JAKMIP1: variants seen among roughly 807,000 people sequenced by gnomAD.
JAKMIP1 encodes the protein janus kinase and microtubule interacting protein 1, also known as janus kinase and microtubule-interacting protein 1.
In JAKMIP1, 33 loss-of-function variants were observed where a neutral mutation model predicts 113.0. That is an observed-to-expected ratio of 0.29 (90% CI 0.22 to 0.39). The LOEUF is 0.39. Ranked by LOEUF, JAKMIP1 falls within the 10% of genes least tolerant of loss-of-function variation. The pLI is 1.00. For missense variants in JAKMIP1, 813 were observed against 1,080.5 expected (o/e 0.75, Z 3.47); for synonymous variants, 480 against 459.9 (o/e 1.04, Z -0.56).
chr4:6,134,343 CAATGTGAG>C (rs1718933935), intron 1 of JAKMIP1, among the ~76,000 whole-genome samples: 1 of 152,188 alleles, frequency 6.6e-6, no homozygotes, highest in Non-Finnish European at 1.5e-5. Flanking sequence ...ATCTTTATAG[CAATGTGAG>C]AACAGACTAA....
intron 1 of JAKMIP1, among the ~76,000 whole-genome samples, chr4:6,170,259 TCAC>T (rs764382555): frequency 2.5e-3 from 296 of 120,232 alleles, no homozygotes; most frequent in African/African-American, 7.9e-3. Flanking sequence ...CCCACCCTTC[TCAC>T]CACCACCACC....
chr4:6,102,342 T>C (rs181672997), intron 3 of JAKMIP1, among the ~76,000 whole-genome samples: 2 of 152,322 alleles, frequency 1.3e-5, no homozygotes, highest in Non-Finnish European at 2.9e-5. Context: ...ATCAGTGTGA[T>C]AGTATTAGGA....
chr4:6,117,046 C>A (rs1715893143), intron 1 of JAKMIP1, among the ~76,000 whole-genome samples: 1 of 152,194 alleles, frequency 6.6e-6, no homozygotes, highest in Non-Finnish European at 1.5e-5. Context: ...AGCATTAAGC[C>A]AAGAGCCAGG....
At chr4:6,148,345 C>T (rs369435621) in intron 1 of JAKMIP1, among the ~76,000 whole-genome samples, 6 of 152,228 alleles carry the variant, frequency 3.9e-5, no homozygotes, top group African/African-American at 1.4e-4. Context: ...GAACATTTTC[C>T]TAGCGCAGAA....
At chr4:6,032,307 A>G (rs778121341) in intron 19 of JAKMIP1, among the ~76,000 whole-genome samples, 1 of 152,192 alleles carries the variant, frequency 6.6e-6, no homozygotes, top group African/African-American at 2.4e-5. Context: ...CCTGGTTCTC[A>G]TTCTGATCTT....
chr4:6,078,157 A>C (rs1719945192), intron 8 of JAKMIP1, among the ~76,000 whole-genome samples: 1 of 152,152 alleles, frequency 6.6e-6, no homozygotes, highest in Admixed American at 6.5e-5. Flanking sequence ...GCTACTAAAA[A>C]TACAAAATTT....
chr4:6,116,763 C>G lies in JAKMIP1; in HGVS notation c.-147-3766G>C, dbSNP rs1443612320. On this transcript the variant is annotated intron_variant, in intron 1 of 20. Transcript: ENST00000409021. This position sits in a 1 kb window ranked among gnomAD's most constrained non-coding sequence, Gnocchi z 5.1. ...AAGGTCCCAGCCATCACAGAACGGT[C>G]TAGTCAGGAACACCACTATGGAAAT... Among the ~76,000 whole-genome samples, 2 of 152,158 alleles carry G rather than the reference C, an allele frequency of 1.3e-5. No individual in the cohort carries two copies. The highest frequency in any genetic ancestry group is 4.8e-5 in the African/African-American group (2 of 41,442).
At chr4:6,107,881 C>T (rs988797776) in intron 2 of JAKMIP1, among the ~76,000 whole-genome samples, 29 of 152,014 alleles carry the variant, frequency 1.9e-4, no homozygotes, top group African/African-American at 6.3e-4. Flanking sequence ...CCTCAAAGGC[C>T]CGTTGAGAGG....
Position 6,106,148 on chromosome 4 carries a change from A to G in JAKMIP1, c.130-181T>C, listed in dbSNP as rs534955754. ...CAGGCCTGACCCTCCTGCCAGCCCC[A>G]CTTAGAATCTCTCCTGCTAGTTCCC... On this transcript the variant is annotated intron_variant, in intron 2 of 20. Coordinates refer to ENST00000409021, the MANE Select transcript of JAKMIP1 (RefSeq NM_001099433.2). The surrounding 1 kb of genome is among the most constrained non-coding windows in gnomAD (Gnocchi z 5.9). Among the ~76,000 whole-genome samples, 162 of 152,248 alleles carry G rather than the reference A, an allele frequency of 1.1e-3. 1 individual carries two copies. Among genetic ancestry groups the G allele is most frequent in the Middle Eastern group, 6.8e-3 (2 of 294 alleles).
At position 6,060,432 on chromosome 4, in the gene JAKMIP1, T is replaced by C; in HGVS notation, c.1636A>G (p.Lys546Glu). 1 of 1,612,904 alleles carries C rather than the reference T, an allele frequency of 6.2e-7. No homozygotes were observed. ...AGATCACTCCTGCTCACCTGTCCCTTCTCAACCAGTAACTTCTCCAAATCT... is the reference window on the plus strand; with the variant it reads ...AGATCACTCCTGCTCACCTGTCCCTCCTCAACCAGTAACTTCTCCAAATCT... ...IEDLEKLLVE[K>E]GQDSKWVEEK... Residue 546 changes from lysine (K) to glutamate (E), a missense_variant, in exon 11 of 21, where the codon AAG becomes GAG. Physicochemically the swap from Lys to Glu is moderately conservative, Grantham distance 56. Around this residue, in one of 2 missense-constraint regions of JAKMIP1, gnomAD observed 273 missense variants for 426.6 expected, o/e 0.64. Coordinates refer to ENST00000409021, the MANE Select transcript of JAKMIP1 (RefSeq NM_001099433.2).
intron 1 of JAKMIP1, among the ~76,000 whole-genome samples, chr4:6,151,888 A>C (rs969351841): frequency 1.3e-5 from 2 of 152,246 alleles, no homozygotes; most frequent in Non-Finnish European, 2.9e-5. Flanking sequence ...CAATATAAGT[A>C]AAAGCAGTGA....
chr4:6,165,944 C>G (rs144307836), intron 1 of JAKMIP1, among the ~76,000 whole-genome samples: 34 of 152,282 alleles, frequency 2.2e-4, no homozygotes, highest in African/African-American at 7.5e-4. Flanking sequence ...AGAGTCCACT[C>G]TCACCTCCCC....
intron 3 of JAKMIP1, among the ~76,000 whole-genome samples, chr4:6,085,990 C>T (rs561776583): frequency 6.6e-6 from 1 of 151,760 alleles, no homozygotes; most frequent in South Asian, 2.1e-4. Context: ...TGGCTTCTCT[C>T]TCCGTCTCCA....
rs1047873265 is a variant in JAKMIP1, at chr4:6,112,968, C to T, written c.-118G>A. On this transcript the variant is annotated 5_prime_UTR_variant, in exon 2 of 21. Coordinates refer to ENST00000409021, the MANE Select transcript of JAKMIP1 (RefSeq NM_001099433.2). ...ACCAGTCGCGCAGGACTCAGCTCGC[C>T]CTCCGAGGAAACCACCATCACTTGG... 2 of 1,386,016 alleles carry T rather than the reference C, an allele frequency of 1.4e-6. No individual in the cohort carries two copies. Among genetic ancestry groups the T allele is most frequent in the Admixed American group, 5.3e-5 (2 of 37,598 alleles). The allele number at this position is 1,386,016 out of a possible 1,614,324, so 85.9% of individuals were successfully genotyped here.
At chr4:6,110,098 C>T (rs570356419) in intron 2 of JAKMIP1, among the ~76,000 whole-genome samples, 2 of 152,278 alleles carry the variant, frequency 1.3e-5, no homozygotes, top group South Asian at 4.1e-4. Flanking sequence ...GTGCTGGCCT[C>T]GTGTGTGGGG....
rs1719779647 is a variant in JAKMIP1 at position 6,076,997 on chromosome 4, A to G, written c.1302+1942T>C. ...TGGATTTCGGATTTTTGGATTTTGGATTACGGATGTTCAACCTGTATTTGG... is the reference window on the plus strand; with the variant it reads ...TGGATTTCGGATTTTTGGATTTTGGGTTACGGATGTTCAACCTGTATTTGG... On this transcript the variant is annotated intron_variant, in intron 8 of 20. Coordinates refer to ENST00000409021, the MANE Select transcript of JAKMIP1 (RefSeq NM_001099433.2). This position sits in a 1 kb window ranked among gnomAD's most constrained non-coding sequence, Gnocchi z 4.8. 1.3e-5 allele frequency among the ~76,000 whole-genome samples: 2 copies of G among 152,146 alleles called. No homozygotes were observed. Among genetic ancestry groups the G allele is most frequent in the African/African-American group, 4.8e-5 (2 of 41,418 alleles).
At chr4:6,078,544 A>T (rs2108816102) in intron 8 of JAKMIP1, among the ~76,000 whole-genome samples, 1 of 152,236 alleles carries the variant, frequency 6.6e-6, no homozygotes, top group African/African-American at 2.4e-5. Context: ...TCCAAAAAAG[A>T]CTACAGTTCT....
intron 1 of JAKMIP1, among the ~76,000 whole-genome samples, chr4:6,128,860 C>A (rs1175703392): frequency 6.6e-6 from 1 of 152,222 alleles, no homozygotes; most frequent in East Asian, 1.9e-4. Flanking sequence ...CCACACCTCA[C>A]CCCTGCAGAG....
intron 1 of JAKMIP1, among the ~76,000 whole-genome samples, chr4:6,164,740 C>T (rs1328146765): frequency 3.3e-5 from 5 of 152,112 alleles, no homozygotes; most frequent in East Asian, 1.9e-4. Flanking sequence ...TGGATGACTT[C>T]GAGGTCAGAA....
Sources: gnomAD v4.1 joint callset for allele counts (sites outside exome capture counted in the v4.1 genomes callset) on GRCh38, gnomAD v4.1.1 for gene constraint, gnomAD v4.1.1 regional missense constraint, Gnocchi (gnomAD v3.1) non-coding constraint, MANE v1.5 for transcripts, NCBI Gene and HGNC (gene_info 2026-07-23, HGNC 2026-07-21) for gene names.